MGAM: variants seen among roughly 807,000 people sequenced by gnomAD.
MGAM encodes the protein maltase-glucoamylase, also known as alpha-1,4-glucosidase.
MGAM carries 253 observed loss-of-function variants against 358.8 expected under a neutral mutation model. The ratio of observed to expected loss-of-function variants is 0.71; its 90% CI spans 0.64 to 0.78. MGAM has a LOEUF of 0.78. MGAM is among the 30% of genes least tolerant of loss of function. The pLI is 0.00. For synonymous variants in MGAM, 1,105 were observed against 1,227.1 expected, an observed-to-expected ratio of 0.90 and a Z score of 2.08; for missense variants, 3,080 against 3,432.6, an observed-to-expected ratio of 0.90 and a Z score of 2.57.
chr7:142,042,956 C>A (rs1291353832), intron 21 of MGAM, among the ~76,000 whole-genome samples: 1 of 59,718 alleles, frequency 1.7e-5, no homozygotes, highest in African/African-American at 6.8e-5. Flanking sequence ...ATTATATATA[C>A]ATATAATATC....
intron 65 of MGAM, among the ~76,000 whole-genome samples, chr7:142,096,984 A>T (rs4478492): frequency 0.39 from 57,998 of 149,904 alleles, 13,399 homozygotes; most frequent in East Asian, 0.64. Flanking sequence ...GCTGGAGTGC[A>T]GTGGTGCTAT....
In MGAM at chr7:142,062,725, G is replaced by A. The variant is rs147523964; in HGVS notation, c.4257+23G>A. On this transcript the variant is annotated intron_variant, in intron 35 of 70. Transcript: ENST00000475668. Reference sequence around the variant, plus strand: ...ATTGTAAGTGTGTGTGTGTCTCTGTGTACCAGTGGCTCTTGTCTATCTTTG... The same window carrying A: ...ATTGTAAGTGTGTGTGTGTCTCTGTATACCAGTGGCTCTTGTCTATCTTTG... 3,471 of 1,611,650 alleles carry A rather than the reference G, an allele frequency of 2.2e-3. 7 individuals are homozygous for A. Among genetic ancestry groups the A allele is most frequent in the Middle Eastern group, 2.8e-3 (17 of 6,048 alleles).
At chr7:142,086,388 G>T in intron 56 of MGAM, 60 bp downstream of exon 56, 1 of 1,321,046 alleles carries the variant, frequency 7.6e-7, no homozygotes, top group Non-Finnish European at 1.0e-6. Flanking sequence ...CTGTTAGAGG[G>T]TCACACGCCT....
chr7:142,042,018 T>C (rs1469680181), intron 21 of MGAM, among the ~76,000 whole-genome samples: 4 of 22,230 alleles, frequency 1.8e-4, no homozygotes, highest in African/African-American at 3.2e-4. Flanking sequence ...TAATATAATA[T>C]ATATATATTA....
At chr7:142,021,128 T>A (rs782134629) in intron 5 of MGAM, 45 bp downstream of exon 5, 17 of 1,412,130 alleles carry the variant, frequency 1.2e-5, no homozygotes, top group Non-Finnish European at 1.5e-5. Context: ...GAGAGACTTT[T>A]ATTCCCTATC....
chr7:142,008,104 T>C (rs1045846286), intron 2 of MGAM, among the ~76,000 whole-genome samples: 2 of 152,210 alleles, frequency 1.3e-5, no homozygotes, highest in Non-Finnish European at 2.9e-5. Flanking sequence ...TTGTAATGTG[T>C]ATAATATGTA....
In MGAM at chr7:142,094,569, G is replaced by A. The variant is rs1265514372; in HGVS notation, c.7307-51G>A. 10 of 1,557,648 alleles carry A rather than the reference G, an allele frequency of 6.4e-6. 2 individuals carry two copies. Among genetic ancestry groups the A allele is most frequent in the Non-Finnish European group, 8.8e-6 (10 of 1,133,590 alleles). ...GGATCCTTGGGGAAGAGGTGAGGAG[G>A]CAGGTCGTGAGAGCGAGCCTGGTGT... On this transcript the variant is annotated intron_variant, in intron 61 of 70. Coordinates refer to ENST00000475668, the MANE Select transcript of MGAM (RefSeq NM_001365693.1).
Position 142,067,982 on chromosome 7 carries a change from A to C in MGAM, c.5004+557A>C, listed in dbSNP as rs1239413658. Among the ~76,000 whole-genome samples, 29 of 5,110 alleles carry C rather than the reference A, an allele frequency of 5.7e-3. 2 individuals carry two copies. The highest frequency in any genetic ancestry group is 8.8e-3 in the African/African-American group (29 of 3,280). 3.4% of individuals were successfully genotyped at this position (5,110 alleles called of 152,430 possible). ...TATATATAAATATATATATATATAT[A>C]TATATTTTTTTTTTTTTTTTTTTGA... On this transcript the variant is annotated intron_variant, in intron 42 of 70. Transcript: ENST00000475668.
chr7:142,029,082 T>A (rs1214530990), intron 10 of MGAM, among the ~76,000 whole-genome samples: 1 of 152,192 alleles, frequency 6.6e-6, no homozygotes, highest in African/African-American at 2.4e-5. Flanking sequence ...CTGGGCACAG[T>A]GGCTCACACT....
At chr7:142,076,092 G>C in intron 45 of MGAM, 111 bp from the exon 46 acceptor site, 1 of 847,530 alleles carries the variant, frequency 1.2e-6, no homozygotes, top group Non-Finnish European at 2.0e-6. Flanking sequence ...TAAGGTAAAG[G>C]AAATACTGCC....
In MGAM at chr7:142,044,431, G is replaced by A. The variant is rs1406392203; in HGVS notation, c.2499-3354G>A. Among the ~76,000 whole-genome samples the A allele has an allele frequency of 7.8e-5, 10 of 127,744 alleles. 1 individual carries two copies. The highest frequency in any genetic ancestry group is 2.6e-4 in the African/African-American group (9 of 34,472). 83.8% of individuals were successfully genotyped at this position (127,744 alleles called of 152,430 possible). A position where few individuals can be genotyped will look rare whatever the true frequency, so the allele number is the denominator to read the frequency against. ...TATAATGAATATTATATACACATAC[G>A]ATATATATAATGAATATTATATACA... is the stretch of plus-strand genomic sequence containing the variant. On this transcript the variant is annotated intron_variant, in intron 21 of 70. Coordinates refer to ENST00000475668, the MANE Select transcript of MGAM (RefSeq NM_001365693.1).
rs1025308406 is a variant in MGAM, at chr7:142,106,211, A to C, written c.*320A>C. 2 of 176,648 alleles carry C rather than the reference A, an allele frequency of 1.1e-5. No individual in the cohort carries two copies. Among genetic ancestry groups the C allele is most frequent in the African/African-American group, 4.7e-5 (2 of 42,246 alleles). 10.9% of individuals were successfully genotyped at this position (176,648 alleles called of 1,614,324 possible). Reference sequence around the variant, plus strand: ...GAAGTGTGTGTATGTCCACGTTTGTAATCATAGAATGGACCCCATTCTTTT... The same window carrying C: ...GAAGTGTGTGTATGTCCACGTTTGTCATCATAGAATGGACCCCATTCTTTT... On this transcript the variant is annotated 3_prime_UTR_variant, in exon 71 of 71. Coordinates refer to ENST00000475668, the MANE Select transcript of MGAM (RefSeq NM_001365693.1).
chr7:142,045,951 T>TTATGTATACATACAATATGTAATATA (rs1361065418), intron 21 of MGAM, among the ~76,000 whole-genome samples: 2 of 118,962 alleles, frequency 1.7e-5, no homozygotes, highest in African/African-American at 6.2e-5. Flanking sequence ...GTAATATATA[T>TTATGTATACATACAATATGTAATATA]TATGTATACA....
chr7:142,100,746 T>G, intron 67 of MGAM, 56 bp from the exon 68 acceptor site: 2 of 1,452,336 alleles, frequency 1.4e-6, no homozygotes, highest in Admixed American at 1.9e-5. Flanking sequence ...TGTAAAGTCT[T>G]GGTTTGTGGC....
chr7:142,026,142 C>T (rs1806944982), intron 8 of MGAM, among the ~76,000 whole-genome samples: 1 of 151,864 alleles, frequency 6.6e-6, no homozygotes, highest in Non-Finnish European at 1.5e-5. Flanking sequence ...AATGACACAA[C>T]TTTTAAGAAT....
At chr7:142,082,435 G>A (rs1814392545) in intron 51 of MGAM, 40 bp from the exon 52 acceptor site, 1 of 1,406,556 alleles carries the variant, frequency 7.1e-7, no homozygotes, top group Non-Finnish European at 9.8e-7. Context: ...CAGGCATAAT[G>A]TCTTTTAAAC....
intron 2 of MGAM, among the ~76,000 whole-genome samples, chr7:141,989,765 T>A (rs1181792812): frequency 6.6e-6 from 1 of 152,128 alleles, no homozygotes; most frequent in Non-Finnish European, 1.5e-5. Context: ...TCAGTTGAAA[T>A]CATCTGAAAA....
rs2128982413 is a variant in MGAM, at chr7:142,005,415, T to A, written c.-2-114T>A. 4 of 702,608 alleles carry A rather than the reference T, an allele frequency of 5.7e-6. No homozygotes were observed. The East Asian group carries it at 1.2e-4, about 22-fold the overall frequency. 43.5% of individuals were successfully genotyped at this position (702,608 alleles called of 1,614,324 possible). On this transcript the variant is annotated intron_variant, in intron 1 of 70. Coordinates refer to ENST00000475668, the MANE Select transcript of MGAM (RefSeq NM_001365693.1). ...ATTTTTTAATTTAGATAATGGATGC[T>A]TGGGAGGCTTGTTATAGTATTCATT...
intron 1 of MGAM, among the ~76,000 whole-genome samples, chr7:141,999,507 C>T (rs140455951): frequency 7.2e-5 from 11 of 152,124 alleles, no homozygotes; most frequent in South Asian, 2.1e-4. Flanking sequence ...GTTTATTTGA[C>T]GTTTCTGAAG....
Sources: gnomAD v4.1 joint callset for allele counts (sites outside exome capture counted in the v4.1 genomes callset) on GRCh38, gnomAD v4.1.1 for gene constraint, MANE v1.5 for transcripts, NCBI Gene and HGNC (gene_info 2026-07-23, HGNC 2026-07-21) for gene names.